TADA3: variants seen among roughly 807,000 people sequenced by gnomAD.
TADA3 encodes the protein transcriptional adapter 3.
In TADA3, 25 loss-of-function variants were observed where a neutral mutation model predicts 43.2. The ratio of observed to expected loss-of-function variants is 0.58; its 90% CI spans 0.42 to 0.81. The LOEUF (loss-of-function observed/expected upper bound fraction) is 0.81. TADA3 is among the 30% of genes least tolerant of loss of function. The pLI, the probability that TADA3 is intolerant of heterozygous loss-of-function variation, is 0.00. For missense variants in TADA3, 441 were observed against 567.8 expected (o/e 0.78, Z 2.27); for synonymous variants, 235 against 225.5 (o/e 1.04, Z -0.38).
rs1575313228 is a variant in TADA3, at chr3:9,792,435, C to G, written c.-247G>C. ...CGGCCCCAGGGGCCGCGGGAGGGGG[C>G]GGGGAGTTCCGGTCGATGTGAGCAA... On this transcript the variant is annotated 5_prime_UTR_variant, in exon 1 of 9. Coordinates refer to ENST00000301964, the MANE Select transcript of TADA3 (RefSeq NM_006354.5). 1.8e-6 allele frequency: 2 copies of G among 1,095,066 alleles called. No individual in the cohort carries two copies. Among genetic ancestry groups the G allele is most frequent in the African/African-American group, 3.3e-5 (2 of 61,190 alleles). The allele number at this position is 1,095,066 out of a possible 1,614,324, so 67.8% of individuals were successfully genotyped here.
rs1227206372 is a variant in TADA3, at chr3:9,791,240, C to T, written c.207+20G>A. The stretch of plus-strand genomic sequence containing the variant: ...TGTTGCAGTCCATCTCTGGTGCTGG[C>T]CCCTCTCTGGGGTTATCACCTGGGT... On this transcript the variant is annotated intron_variant, in intron 2 of 8. Transcript: ENST00000301964. 6.2e-7 allele frequency: 1 copy of T among 1,602,230 alleles called. No individual in the cohort carries two copies. The highest frequency in any genetic ancestry group is 1.1e-5 in the South Asian group (1 of 89,646).
At chr3:9,792,742 C>T, upstream of TADA3, 1 of 1,243,186 alleles carries the variant, frequency 8.0e-7, no homozygotes. Context: ...GGTACAGAAC[C>T]GGAAGAAACG....
chr3:9,792,396 GC>G lies in TADA3; in HGVS notation c.-209del. 1.2e-6 allele frequency: 1 copy of G among 808,478 alleles called. No homozygotes were observed. Among genetic ancestry groups the G allele is most frequent in the Non-Finnish European group, 1.5e-6 (1 of 650,992 alleles). The allele number at this position is 808,478 out of a possible 1,614,324, so 50.1% of individuals were successfully genotyped here. On this transcript the variant is annotated 5_prime_UTR_variant, in exon 1 of 9. Transcript: ENST00000301964. ...CGACCCCCGCCCCCTCTACCTCCTC[GC>G]TGCGGCCTCCTACGGCCCCAGGGGC...
chr3:9,785,496 TG>T, intron 6 of TADA3, 71 bp from the exon 7 acceptor site: 1 of 1,038,166 alleles, frequency 9.6e-7, no homozygotes, highest in South Asian at 1.4e-5. Context: ...TGACCTACAC[TG>T]ACAGTCTTCA....
chr3:9,785,843 G>A (rs1055261562), intron 6 of TADA3, among the ~76,000 whole-genome samples: 8 of 152,134 alleles, frequency 5.3e-5, no homozygotes, highest in African/African-American at 1.9e-4. Flanking sequence ...ATGGTCATGT[G>A]ACAAGTTCTC....
chr3:9,785,468 C>T (rs1441008655), intron 6 of TADA3, 43 bp from the exon 7 acceptor site: 3 of 1,352,214 alleles, frequency 2.2e-6, no homozygotes, highest in East Asian at 2.3e-5. Context: ...ATAGCTGTTC[C>T]ACTTTCCTGC....
In TADA3 at chr3:9,787,360, C is replaced by G. The variant is rs1404730186; in HGVS notation, c.565-20G>C. The stretch of plus-strand genomic sequence containing the variant: ...TGGGATCTGTGGAAAAGATGGCACC[C>G]AACCCTGAGTGGGTAAGCACTGGCC... On this transcript the variant is annotated intron_variant, in intron 4 of 8. Coordinates refer to ENST00000301964, the MANE Select transcript of TADA3 (RefSeq NM_006354.5). The G allele has an allele frequency of 1.3e-6, 2 of 1,595,582 alleles. No homozygotes were observed. The highest frequency in any genetic ancestry group is 8.5e-7 in the Non-Finnish European group (1 of 1,171,952).
intron 4 of TADA3, chr3:9,787,656 A>G (rs2078647431): frequency 1.4e-6 from 2 of 1,384,510 alleles, no homozygotes; most frequent in African/African-American, 2.9e-5. Flanking sequence ...AGGAGCCTTC[A>G]GGTCACGGGT....
chr3:9,782,357 G>A (rs977357786), intron 8 of TADA3, among the ~76,000 whole-genome samples: 1 of 152,144 alleles, frequency 6.6e-6, no homozygotes, highest in South Asian at 2.1e-4. Context: ...GCTTCACTGG[G>A]CCTTTATTTC....
At chr3:9,783,873 G>A (rs866200140) in intron 8 of TADA3, 155 bp downstream of exon 8, 127 of 1,319,526 alleles carry the variant, frequency 9.6e-5, no homozygotes, top group Admixed American at 9.1e-4. Context: ...GGACATACCC[G>A]GTGGACTGGC....
intron 4 of TADA3, among the ~76,000 whole-genome samples, chr3:9,788,446 C>T (rs1322367208): frequency 2.6e-5 from 4 of 151,780 alleles, no homozygotes; most frequent in Non-Finnish European, 5.9e-5. Flanking sequence ...GGGGTTTCAC[C>T]GTGTTAGCCA....
At chr3:9,782,923 G>C (rs763796145) in intron 8 of TADA3, among the ~76,000 whole-genome samples, 1 of 152,190 alleles carries the variant, frequency 6.6e-6, no homozygotes, top group Non-Finnish European at 1.5e-5. Flanking sequence ...TTTACCTAAA[G>C]GGTAGCTATT....
chr3:9,780,532 ACCT>A lies in TADA3; in HGVS notation c.1121_1123del (p.Glu374del), dbSNP rs764925976. The A allele has an allele frequency of 4.3e-5, 69 of 1,600,998 alleles. No homozygotes were observed. The highest frequency in any genetic ancestry group is 5.9e-5 in the Non-Finnish European group (69 of 1,178,954). ...CCGCTGCCTCAGCTCCTGCCGGCTC[ACCT>A]CCTCCTTTGCCAGCCTGTGGGGACC... On this transcript the variant is annotated inframe_deletion, in exon 9 of 9. Transcript: ENST00000301964.
chr3:9,781,403 C>G (rs1288281823), intron 8 of TADA3: 1 of 426,530 alleles, frequency 2.3e-6, no homozygotes, highest in African/African-American at 2.0e-5. Context: ...TCATATGTTA[C>G]CCGTGAGGAA....
chr3:9,792,948 G>A (rs141456239), upstream of TADA3: 7 of 1,414,114 alleles, frequency 5.0e-6, no homozygotes, highest in African/African-American at 8.9e-5. Context: ...AGCCCTAGGT[G>A]GAAAACTTCC....
chr3:9,780,620 C>T (rs2125613625), intron 8 of TADA3, 71 bp from the exon 9 acceptor site: 2 of 1,472,650 alleles, frequency 1.4e-6, no homozygotes, highest in Non-Finnish European at 1.8e-6. Context: ...TCTTCAAGAC[C>T]GAGCCTACCC....
At chr3:9,781,772 G>C (rs981215572) in intron 8 of TADA3, among the ~76,000 whole-genome samples, 1 of 152,056 alleles carries the variant, frequency 6.6e-6, no homozygotes, top group African/African-American at 2.4e-5. Flanking sequence ...TCTGCAGCAG[G>C]GTAAGGGCTG....
chr3:9,791,209 A>G lies in TADA3; in HGVS notation c.207+51T>C, dbSNP rs1403622801. ...TGGGGCTAACTCAATGACCCATCCC[A>G]TAACTTGTTGCAGTCCATCTCTGGT... On this transcript the variant is annotated intron_variant, in intron 2 of 8. Coordinates refer to ENST00000301964, the MANE Select transcript of TADA3 (RefSeq NM_006354.5). 3.8e-6 allele frequency: 6 copies of G among 1,564,128 alleles called. No homozygotes were observed. The Admixed American group carries it at 7.0e-5, about 18-fold the overall frequency.
At chr3:9,790,106 C>T in intron 2 of TADA3, 143 bp from the exon 3 acceptor site, 2 of 1,089,488 alleles carry the variant, frequency 1.8e-6, no homozygotes, top group Non-Finnish European at 2.5e-6. Context: ...AACTCTTACT[C>T]ATCCTTCAAA....
Sources: gnomAD v4.1 joint callset for allele counts (sites outside exome capture counted in the v4.1 genomes callset) on GRCh38, gnomAD v4.1.1 for gene constraint, MANE v1.5 for transcripts, NCBI Gene and HGNC (gene_info 2026-07-23, HGNC 2026-07-21) for gene names.